Variants in TBX5 observed in about 807,000 individuals in gnomAD.
TBX5 encodes T-box transcription factor TBX5.
In TBX5, 8 loss-of-function variants were observed where a neutral mutation model predicts 51.1. That is an observed-to-expected ratio of 0.16 (90% CI 0.09 to 0.28). The LOEUF is 0.28. Ranked by LOEUF, TBX5 falls within the 10% of genes least tolerant of loss-of-function variation. TBX5 has a pLI of 1.00. For synonymous variants in TBX5, 302 were observed against 266.4 expected (o/e 1.13, Z -1.30); for missense variants, 589 against 671.7 (o/e 0.88, Z 1.36).
At chr12:114,391,735 G>A (rs1364760273) in intron 6 of TBX5, among the ~76,000 whole-genome samples, 1 of 152,172 alleles carries the variant, frequency 6.6e-6, no homozygotes. Context: ...ACCCAGTCCA[G>A]GTGGGACAAT....
At position 114,405,701 on chromosome 12, in the gene TBX5, G is replaced by C; in HGVS notation, c.-112C>G. 9 of 985,584 alleles carry C rather than the reference G, an allele frequency of 9.1e-6. No individual in the cohort carries two copies. Among genetic ancestry groups the C allele is most frequent in the Non-Finnish European group, 1.1e-5 (9 of 830,060 alleles). The allele number at this position is 985,584 out of a possible 1,614,324, so 61.1% of individuals were successfully genotyped here. The stretch of plus-strand genomic sequence containing the variant: ...CAGGGAAGCCGGCGGTGAGGCGGGG[G>C]AGCAGGCATGGTGGCTCCGGGGTTT... On this transcript the variant is annotated 5_prime_UTR_variant, in exon 1 of 9. Coordinates refer to ENST00000405440, the MANE Select transcript of TBX5 (RefSeq NM_181486.4).
chr12:114,407,842 C>T (rs1368628134), upstream of TBX5: 1 of 985,416 alleles, frequency 1.0e-6, no homozygotes, highest in Non-Finnish European at 1.2e-6. Context: ...TTCTTTGGAG[C>T]GCAAAAGCCA....
chr12:114,385,520 C>T lies in TBX5; in HGVS notation c.711G>A (p.Arg237=), dbSNP rs754018766. 6.2e-7 allele frequency: 1 copy of T among 1,614,120 alleles called. No individual in the cohort carries two copies. The highest frequency in any genetic ancestry group is 1.1e-5 in the South Asian group (1 of 91,074). ...IENNPFAKGF[R]GSDDMELHRM... ...TGTGCAGCTCCATGTCATCACTGCC[C>T]CGAAATCCTTTGGCAAAGGGATTAT... The change falls in exon 7 of 9, where the codon CGG becomes CGA. Residue 237 remains arginine, a synonymous_variant. Coordinates refer to ENST00000405440, the MANE Select transcript of TBX5 (RefSeq NM_181486.4).
chr12:114,399,369 AG>A (rs1871646019), intron 4 of TBX5, 143 bp downstream of exon 4: 2 of 1,192,292 alleles, frequency 1.7e-6, no homozygotes, highest in African/African-American at 1.5e-5. Context: ...GTTAGTAAAA[AG>A]CAATGGGATA....
chr12:114,355,617 T>C lies in TBX5; in HGVS notation c.1472A>G (p.His491Arg). The C allele has an allele frequency of 1.2e-6, 2 of 1,611,380 alleles. No homozygotes were observed. The highest frequency in any genetic ancestry group is 1.7e-6 in the Non-Finnish European group (2 of 1,177,708). Reference sequence around the variant, plus strand: ...AGGGGATAGAGTCCTTGGCACGCCATGAGAGTAGAGGAACTCAGGGGGCTG... The same window carrying C: ...AGGGGATAGAGTCCTTGGCACGCCACGAGAGTAGAGGAACTCAGGGGGCTG... ...TLQPPEFLYS[H>R]GVPRTLSPHQ... The change falls in exon 9 of 9, where the codon CAT (histidine) becomes CGT (arginine). Residue 491 changes from histidine (H) to arginine (R), a missense_variant. Coordinates refer to ENST00000405440, the MANE Select transcript of TBX5 (RefSeq NM_181486.4).
chr12:114,404,806 C>T lies in TBX5; in HGVS notation c.-39+822G>A, dbSNP rs112127361. Among the ~76,000 whole-genome samples, 1,089 of 152,236 alleles carry T rather than the reference C, an allele frequency of 7.2e-3. 9 individuals carry two copies. Among genetic ancestry groups the T allele is most frequent in the African/African-American group, 0.025 (1,039 of 41,534 alleles). Reference sequence around the variant, plus strand: ...TCTCTGAACTTCAGCCAGGCCTGGCCTGCTAAAACTGCAGGCTCAGGCTCA... The same window carrying T: ...TCTCTGAACTTCAGCCAGGCCTGGCTTGCTAAAACTGCAGGCTCAGGCTCA... On this transcript the variant is annotated intron_variant, in intron 1 of 8. Coordinates refer to ENST00000405440, the MANE Select transcript of TBX5 (RefSeq NM_181486.4).
chr12:114,401,265 G>C (rs1196476864), intron 3 of TBX5, among the ~76,000 whole-genome samples: 1 of 152,218 alleles, frequency 6.6e-6, no homozygotes, highest in Non-Finnish European at 1.5e-5. Context: ...CCGAGCCCCG[G>C]TTCAGTTTTA....
intron 8 of TBX5, among the ~76,000 whole-genome samples, chr12:114,365,317 A>G (rs1869459751): frequency 6.6e-6 from 1 of 152,050 alleles, no homozygotes; most frequent in South Asian, 2.1e-4. Context: ...TTGTAATACC[A>G]TCAGGGACCA....
chr12:114,398,585 G>T lies in TBX5; in HGVS notation c.498C>A (p.Asp166Glu). ...QKLKLTNNHLDPFGHIILNSM... is the reference protein window; with the variant it reads ...QKLKLTNNHLEPFGHIILNSM... ...CCACGGTACTCACATGCCCAAATGGGTCCAGGTGGTTGTTGGTGAGCTTGA... is the reference window on the plus strand; with the variant it reads ...CCACGGTACTCACATGCCCAAATGGTTCCAGGTGGTTGTTGGTGAGCTTGA... Residue 166 changes from aspartate to glutamate, a missense_variant, in exon 5 of 9, where the codon GAC becomes GAA. Transcript: ENST00000405440. 6.2e-7 allele frequency: 1 copy of T among 1,613,490 alleles called. No homozygotes were observed. Among genetic ancestry groups the T allele is most frequent in the Non-Finnish European group, 8.5e-7 (1 of 1,179,838 alleles).
chr12:114,400,906 G>T (rs1195536302), intron 3 of TBX5, among the ~76,000 whole-genome samples: 4 of 152,300 alleles, frequency 2.6e-5, no homozygotes, highest in African/African-American at 9.6e-5. Context: ...GGGGCGGGGG[G>T]CGTCTGGAAA....
chr12:114,379,853 G>T (rs930913621), intron 7 of TBX5, among the ~76,000 whole-genome samples: 1 of 152,198 alleles, frequency 6.6e-6, no homozygotes, highest in Non-Finnish European at 1.5e-5. Context: ...ATCAAAAGCT[G>T]AATAAGTAAA....
upstream of TBX5, chr12:114,407,701 T>C (rs1248046): frequency 0.42 from 381,515 of 912,156 alleles, 84,928 homozygotes; most frequent in Non-Finnish European, 0.46. Context: ...TCATGAGAAG[T>C]AGCAGCACAG....
At chr12:114,398,029 G>A (rs767679945) in intron 5 of TBX5, among the ~76,000 whole-genome samples, 17 of 152,196 alleles carry the variant, frequency 1.1e-4, no homozygotes, top group Non-Finnish European at 2.5e-4. Context: ...TTTTCTGCAA[G>A]ACTGAAACAC....
intron 7 of TBX5, among the ~76,000 whole-genome samples, chr12:114,379,485 G>C (rs1870387997): frequency 6.6e-6 from 1 of 152,194 alleles, no homozygotes; most frequent in African/African-American, 2.4e-5. Context: ...ATCACACACA[G>C]AGAACAGATG....
chr12:114,355,822 A>G lies in TBX5; in HGVS notation c.1267T>C (p.Tyr423His). 2 of 1,614,078 alleles carry G rather than the reference A, an allele frequency of 1.2e-6. No homozygotes were observed. The highest frequency in any genetic ancestry group is 1.7e-6 in the Non-Finnish European group (2 of 1,180,020). ...GTGAAGTGAGCGGAGAAGTGCTGGTAGGGTAGCCTGTCCATGGGCTGCACG... is the reference window on the plus strand; with the variant it reads ...GTGAAGTGAGCGGAGAAGTGCTGGTGGGGTAGCCTGTCCATGGGCTGCACG... ...TTVQPMDRLP[Y>H]QHFSAHFTSG... The change falls in exon 9 of 9, where the codon TAC (tyrosine) becomes CAC (histidine). Residue 423 changes from tyrosine (Y) to histidine (H), a missense_variant. Transcript: ENST00000405440.
chr12:114,368,910 C>T (rs931457892), intron 7 of TBX5, among the ~76,000 whole-genome samples: 12 of 152,032 alleles, frequency 7.9e-5, no homozygotes, highest in East Asian at 1.9e-4. Context: ...TCCGAGCAGC[C>T]GCACCAGTCA....
Position 114,355,397 on chromosome 12 carries a change from T to C in TBX5, c.*135A>G, listed in dbSNP as rs771227659. 3.7e-6 allele frequency: 4 copies of C among 1,095,080 alleles called. No individual in the cohort carries two copies. In the African/African-American group the frequency reaches 6.2e-5, roughly 17 times the overall value. The allele number at this position is 1,095,080 out of a possible 1,614,324, so 67.8% of individuals were successfully genotyped here. ...TAGATCAGCATCCAGCGACCTTGAG[T>C]GCAGATGTGAACATTGGGTGAAATG... is the stretch of plus-strand genomic sequence containing the variant. On this transcript the variant is annotated 3_prime_UTR_variant, in exon 9 of 9. Transcript: ENST00000405440.
intron 6 of TBX5, among the ~76,000 whole-genome samples, chr12:114,390,645 AT>A (rs1871101040): frequency 6.6e-6 from 1 of 152,222 alleles, no homozygotes; most frequent in Admixed American, 6.5e-5. Flanking sequence ...TACCTCATAA[AT>A]ATAGACTCCT....
upstream of TBX5, chr12:114,406,963 T>C (rs1432946538): frequency 1.4e-6 from 1 of 737,734 alleles, no homozygotes; most frequent in Non-Finnish European, 1.7e-6. Context: ...TTGGAGTAAA[T>C]GTCAGGAGTC....
Sources: gnomAD v4.1 joint callset for allele counts (sites outside exome capture counted in the v4.1 genomes callset) on GRCh38, gnomAD v4.1.1 for gene constraint, MANE v1.5 for transcripts, NCBI Gene and HGNC (gene_info 2026-07-23, HGNC 2026-07-21) for gene names.